Variants in OR8B8 observed in about 807,000 individuals in gnomAD.
The protein encoded by OR8B8 is olfactory receptor 8B8.
A neutral mutation model predicts 10.5 loss-of-function variants in OR8B8; 8 were observed. The ratio of observed to expected loss-of-function variants is 0.76; its 90% CI spans 0.45 to 1.38. The LOEUF (loss-of-function observed/expected upper bound fraction) is 1.38. Among genes scored for constraint, OR8B8 ranks in the 40% most tolerant of loss-of-function variants. The probability of loss-of-function intolerance (pLI) is 0.00; values close to 1 mark genes in which losing one functional copy is unlikely to be tolerated. For synonymous variants in OR8B8, 150 were observed against 145.2 expected (o/e 1.03, Z -0.24); for missense variants, 390 against 380.5 (o/e 1.03, Z -0.21).
rs1438740851 is a variant in OR8B8 at position 124,438,422 on chromosome 11, C to CT, written c.*1727dup. Reference sequence around the variant, plus strand: ...TTTTTCTAAATAGAAGAGAATCTTCCTAAAGAGAGACTCGTAAGTCAACAC... The same window carrying CT: ...TTTTTCTAAATAGAAGAGAATCTTCCTTAAAGAGAGACTCGTAAGTCAACAC... On this transcript the variant is annotated 3_prime_UTR_variant, in exon 3 of 3. Coordinates refer to ENST00000642064, the MANE Select transcript of OR8B8 (RefSeq NM_012378.2). 6.6e-6 allele frequency: 1 copy of CT among 152,192 alleles called. No homozygotes were observed. Among genetic ancestry groups the CT allele is most frequent in the Non-Finnish European group, 1.5e-5 (1 of 68,040 alleles). The allele number at this position is 152,192 out of a possible 1,614,324, so 9.4% of individuals were successfully genotyped here. A position where few individuals can be genotyped will look rare whatever the true frequency, so the allele number is the denominator to read the frequency against.
intron 2 of OR8B8, 126 bp downstream of exon 2, chr11:124,441,362 T>C (rs1166995158): frequency 2.3e-6 from 1 of 429,076 alleles, no homozygotes; most frequent in East Asian, 4.2e-5. Context: ...TTACAGAAAC[T>C]GGGGCCAGTC....
Position 124,440,040 on chromosome 11 carries a change from TG to T in OR8B8, c.*109del. ...TTTGTAAATTAAAGAACCCTTAAAA[TG>T]GGGATGATGAACCTGTTTGAGGAAA... On this transcript the variant is annotated 3_prime_UTR_variant, in exon 3 of 3. Transcript: ENST00000642064. 1.3e-6 allele frequency: 1 copy of T among 790,736 alleles called. No individual in the cohort carries two copies. The highest frequency in any genetic ancestry group is 2.0e-6 in the Non-Finnish European group (1 of 499,918). 49.0% of individuals were successfully genotyped at this position (790,736 alleles called of 1,614,324 possible). A position where few individuals can be genotyped will look rare whatever the true frequency, so the allele number is the denominator to read the frequency against.
chr11:124,437,594 G>A lies in OR8B8; in HGVS notation c.*2556C>T, dbSNP rs1419987454. 1 of 152,542 alleles carries A rather than the reference G, an allele frequency of 6.6e-6. No homozygotes were observed. The highest frequency in any genetic ancestry group is 1.9e-4 in the East Asian group (1 of 5,168). The allele number at this position is 152,542 out of a possible 1,614,324, so 9.4% of individuals were successfully genotyped here. A position where few individuals can be genotyped will look rare whatever the true frequency, so the allele number is the denominator to read the frequency against. ...AGCCTTCTTGTTTTGTTCTTACATG[G>A]TAGAAGAGGTGGGGGAGGTCTCTCT... is the stretch of plus-strand genomic sequence containing the variant. On this transcript the variant is annotated 3_prime_UTR_variant, in exon 3 of 3. Coordinates refer to ENST00000642064, the MANE Select transcript of OR8B8 (RefSeq NM_012378.2).
chr11:124,444,668 CGTT>C (rs1184576719), intron 1 of OR8B8, among the ~76,000 whole-genome samples: 2 of 152,148 alleles, frequency 1.3e-5, no homozygotes, highest in African/African-American at 4.8e-5. Context: ...TTCACAGTGT[CGTT>C]GTTGTGAGAG....
rs1013905434 is a variant in OR8B8 at position 124,439,055 on chromosome 11, A to C, written c.*1095T>G. The C allele has an allele frequency of 2.0e-5, 3 of 152,254 alleles. No individual in the cohort carries two copies. Among genetic ancestry groups the C allele is most frequent in the East Asian group, 1.9e-4 (1 of 5,190 alleles). The allele number at this position is 152,254 out of a possible 1,614,324, so 9.4% of individuals were successfully genotyped here. ...TGAAACCATGCAAAAAGTACCCCAC[A>C]TGGTTTCTGCTGCATGCAGCATTAT... is the stretch of plus-strand genomic sequence containing the variant. On this transcript the variant is annotated 3_prime_UTR_variant, in exon 3 of 3. Coordinates refer to ENST00000642064, the MANE Select transcript of OR8B8 (RefSeq NM_012378.2).
rs1172088762 is a variant in OR8B8, at chr11:124,440,746, T to C, written c.340A>G (p.Ile114Val). 6.2e-7 allele frequency: 1 copy of C among 1,614,068 alleles called. No homozygotes were observed. Among genetic ancestry groups the C allele is most frequent in the South Asian group, 1.1e-5 (1 of 91,072 alleles). ...FLFFVVSESF[I>V]LSAMAYDRYV... ...CGGTCATACGCCATTGCTGACAGGA[T>C]GAAGGACTCAGAGACAACAAAGAAA... Residue 114 changes from isoleucine (I) to valine (V), a missense_variant, in exon 3 of 3, where the codon ATC (isoleucine) becomes GTC (valine). By Grantham distance (29) the Ile-to-Val change is conservative. Transcript: ENST00000642064.
chr11:124,442,651 G>A (rs1374309535), intron 1 of OR8B8, among the ~76,000 whole-genome samples: 1 of 110,862 alleles, frequency 9.0e-6, no homozygotes, highest in African/African-American at 6.0e-5. Context: ...GTTATTTTCA[G>A]CTTTCCTCAT....
chr11:124,440,528 C>G lies in OR8B8; in HGVS notation c.558G>C (p.Glu186Asp). The part of the protein sequence containing the change: ...HYMCDILPLL[E>D]CACTSTYVNE... ...TCACATAGGTGCTGGTGCAAGCACACTCAAGAAGGGGAAGGATGTCACACA... is the reference window on the plus strand; with the variant it reads ...TCACATAGGTGCTGGTGCAAGCACAGTCAAGAAGGGGAAGGATGTCACACA... The change falls in exon 3 of 3, where the codon GAG becomes GAC. Residue 186 changes from glutamate (E) to aspartate (D), a missense_variant. Glu to Asp is a conservative substitution (Grantham distance 45). Coordinates refer to ENST00000642064, the MANE Select transcript of OR8B8 (RefSeq NM_012378.2). 1.2e-6 allele frequency: 2 copies of G among 1,614,226 alleles called. No homozygotes were observed. The highest frequency in any genetic ancestry group is 2.2e-5 in the South Asian group (2 of 91,088).
chr11:124,444,796 G>A (rs912974269), intron 1 of OR8B8, among the ~76,000 whole-genome samples: 1 of 152,164 alleles, frequency 6.6e-6, no homozygotes, highest in Non-Finnish European at 1.5e-5. Context: ...TATATCCTAG[G>A]GATGGCATGA....
rs140451224 is a variant in OR8B8, at chr11:124,441,367, C to T, written c.-17+121G>A. On this transcript the variant is annotated intron_variant, in intron 2 of 2. Coordinates refer to ENST00000642064, the MANE Select transcript of OR8B8 (RefSeq NM_012378.2). ...CTACTTAAGTTTACAGAAACTGGGG[C>T]CAGTCTCCAGGAAGAGTCCTCTTAG... is the stretch of plus-strand genomic sequence containing the variant. 3,896 of 418,580 alleles carry T rather than the reference C, an allele frequency of 9.3e-3. 114 individuals carry two copies. Among genetic ancestry groups the T allele is most frequent in the African/African-American group, 0.069 (3,501 of 50,446 alleles). 25.9% of individuals were successfully genotyped at this position (418,580 alleles called of 1,614,324 possible). A position where few individuals can be genotyped will look rare whatever the true frequency, so the allele number is the denominator to read the frequency against.
rs1013215013 is a variant in OR8B8 at position 124,440,493 on chromosome 11, A to G, written c.593T>C (p.Val198Ala). Residue 198 changes from valine to alanine, a missense_variant, in exon 3 of 3, where the codon GTA becomes GCA. Val to Ala is a moderately conservative substitution (Grantham distance 64). Coordinates refer to ENST00000642064, the MANE Select transcript of OR8B8 (RefSeq NM_012378.2). The part of the protein sequence containing the change: ...ACTSTYVNEL[V>A]VFVVVGIDIG... ...ATCAATGCCCACAACAACAAACACT[A>G]CAAGCTCATTCACATAGGTGCTGGT... The G allele has an allele frequency of 3.7e-6, 6 of 1,614,214 alleles. No individual in the cohort carries two copies. The highest frequency in any genetic ancestry group is 1.7e-5 in the Admixed American group (1 of 60,030).
Position 124,438,114 on chromosome 11 carries a change from T to G in OR8B8, c.*2036A>C, listed in dbSNP as rs764784918. On this transcript the variant is annotated 3_prime_UTR_variant, in exon 3 of 3. Transcript: ENST00000642064. ...CTTAATACCTCTGAGAAAAACGTTT[T>G]TAAAGATGAAGAAATTGATGTTCAG... is the stretch of plus-strand genomic sequence containing the variant. 1 of 152,244 alleles carries G rather than the reference T, an allele frequency of 6.6e-6. No individual in the cohort carries two copies. Among genetic ancestry groups the G allele is most frequent in the East Asian group, 1.9e-4 (1 of 5,182 alleles). The allele number at this position is 152,244 out of a possible 1,614,324, so 9.4% of individuals were successfully genotyped here.
chr11:124,443,498 T>C (rs758516361), intron 1 of OR8B8, among the ~76,000 whole-genome samples: 50 of 152,316 alleles, frequency 3.3e-4, no homozygotes, highest in Non-Finnish European at 5.9e-4. Context: ...TCAGACACGA[T>C]GCCATAGCTC....
chr11:124,444,266 C>G (rs1432451092), intron 1 of OR8B8, among the ~76,000 whole-genome samples: 1 of 152,114 alleles, frequency 6.6e-6, no homozygotes. Context: ...GCATCCTCAC[C>G]CAAGTCTCTT....
At position 124,440,068 on chromosome 11, in the gene OR8B8, A is replaced by G. The variant is rs1861447554; in HGVS notation, c.*82T>C. 3 of 1,166,010 alleles carry G rather than the reference A, an allele frequency of 2.6e-6. No individual in the cohort carries two copies. The highest frequency in any genetic ancestry group is 2.0e-4 in the Middle Eastern group (1 of 4,938). 72.2% of individuals were successfully genotyped at this position (1,166,010 alleles called of 1,614,324 possible). A position where few individuals can be genotyped will look rare whatever the true frequency, so the allele number is the denominator to read the frequency against. On this transcript the variant is annotated 3_prime_UTR_variant, in exon 3 of 3. Coordinates refer to ENST00000642064, the MANE Select transcript of OR8B8 (RefSeq NM_012378.2). The stretch of plus-strand genomic sequence containing the variant: ...GGATGATGAACCTGTTTGAGGAAAA[A>G]TTATATTTCTTCCATGTAACCAGTG...
chr11:124,441,104 G>T lies in OR8B8; in HGVS notation c.-16-3C>A, dbSNP rs1167655650. On this transcript the variant is annotated splice_polypyrimidine_tract_variant and splice_region_variant and intron_variant, in intron 2 of 2. Coordinates refer to ENST00000642064, the MANE Select transcript of OR8B8 (RefSeq NM_012378.2). ...CAGCCATTGTCATTTAAGGCATTCT[G>T]TGGGGACAAGGGAAAAAGTTATTTA... 6 of 1,588,096 alleles carry T rather than the reference G, an allele frequency of 3.8e-6. No individual in the cohort carries two copies. The highest frequency in any genetic ancestry group is 2.6e-6 in the Non-Finnish European group (3 of 1,166,024).
intron 1 of OR8B8, among the ~76,000 whole-genome samples, chr11:124,442,237 G>A (rs1005708864): frequency 6.6e-6 from 1 of 152,112 alleles, no homozygotes; most frequent in Non-Finnish European, 1.5e-5. Flanking sequence ...AAAACTAGGT[G>A]CATCTTACTC....
At position 124,440,976 on chromosome 11, in the gene OR8B8, A is replaced by G. The variant is rs146693143; in HGVS notation, c.110T>C (p.Val37Ala). The G allele has an allele frequency of 3.6e-4, 581 of 1,614,072 alleles. No individual in the cohort carries two copies. Among genetic ancestry groups the G allele is most frequent in the Non-Finnish European group, 4.6e-4 (544 of 1,180,030 alleles). Reference sequence around the variant, plus strand: ...CAAGCCCAGGTTCCCCACCACAGTGACCACGTAGAAGCCTAGAAACAGGAA... The same window carrying G: ...CAAGCCCAGGTTCCCCACCACAGTGGCCACGTAGAAGCCTAGAAACAGGAA... Reference protein sequence around the residue: ...LFFLFLGFYVVTVVGNLGLIT... With the variant: ...LFFLFLGFYVATVVGNLGLIT... The change falls in exon 3 of 3, where the codon GTC (valine) becomes GCC (alanine). Residue 37 changes from valine (V) to alanine (A), a missense_variant. By Grantham distance (64) the Val-to-Ala change is moderately conservative (BLOSUM62 0). Coordinates refer to ENST00000642064, the MANE Select transcript of OR8B8 (RefSeq NM_012378.2).
In OR8B8 at chr11:124,438,398, T is replaced by C. The variant is rs1861427004; in HGVS notation, c.*1752A>G. 6.6e-6 allele frequency: 1 copy of C among 152,232 alleles called. No homozygotes were observed. The highest frequency in any genetic ancestry group is 2.1e-4 in the South Asian group (1 of 4,830). The allele number at this position is 152,232 out of a possible 1,614,324, so 9.4% of individuals were successfully genotyped here. ...ACTCTACATCCATCCAAACTTTACT[T>C]TTTCTAAATAGAAGAGAATCTTCCT... On this transcript the variant is annotated 3_prime_UTR_variant, in exon 3 of 3. Transcript: ENST00000642064.
Sources: allele counts gnomAD v4.1 joint callset (sites outside exome capture counted in the v4.1 genomes callset), GRCh38; gene constraint gnomAD v4.1.1; transcripts MANE v1.5; gene names NCBI Gene and HGNC (gene_info 2026-07-23, HGNC 2026-07-21).